The following BRAT1 variants were observed in gnomAD, a reference collection of about 807,000 sequenced individuals.
BRAT1 encodes integrator complex assembly factor BRAT1.
In BRAT1, 74 loss-of-function variants were observed where a neutral mutation model predicts 70.6. The ratio of observed to expected loss-of-function variants is 1.05; its 90% confidence interval spans 0.87 to 1.27. The LOEUF is 1.27. Among genes scored for constraint, BRAT1 ranks in the 50% most tolerant of loss-of-function variants. The pLI is 0.00. For missense variants in BRAT1, 1,203 were observed against 1,098.2 expected (o/e 1.10, Z -1.35); for synonymous variants, 615 against 517.1 (o/e 1.19, Z -2.57).
chr7:2,538,344 C>G lies in BRAT1; in HGVS notation c.2191G>C (p.Ala731Pro). The G allele has an allele frequency of 6.2e-7, 1 of 1,613,270 alleles. No homozygotes were observed. Among genetic ancestry groups the G allele is most frequent in the Non-Finnish European group, 8.5e-7 (1 of 1,179,940 alleles). ...DLLLFLRDKI[A>P]SYSSLREARG... ...GCCTCCCGCAGGCTGCTGTAGGAAG[C>G]AATCTTGTCCCTCAGGAAGAGAAGG... The change falls in exon 14 of 14, where the codon GCT (alanine) becomes CCT (proline). Residue 731 changes from alanine (A) to proline (P), a missense_variant. By Grantham distance (27) the Ala-to-Pro change is conservative. Coordinates refer to ENST00000340611, the MANE Select transcript of BRAT1 (RefSeq NM_152743.4).
Position 2,542,401 on chromosome 7 carries a change from G to A in BRAT1, c.924-190C>T, listed in dbSNP as rs1779246146. On this transcript the variant is annotated intron_variant, in intron 6 of 13. Coordinates refer to ENST00000340611, the MANE Select transcript of BRAT1 (RefSeq NM_152743.4). Reference sequence around the variant, plus strand: ...GGCGGGGAGGACAGGCCTGACCAAGGAGATGGGCCTGACACTCCTGATGTC... The same window carrying A: ...GGCGGGGAGGACAGGCCTGACCAAGAAGATGGGCCTGACACTCCTGATGTC... The A allele has an allele frequency of 2.6e-5, 16 of 609,504 alleles. 1 individual carries two copies. The South Asian group carries it at 2.7e-4, about 10-fold the overall frequency. The allele number at this position is 609,504 out of a possible 1,614,324, so 37.8% of individuals were successfully genotyped here. A position where few individuals can be genotyped will look rare whatever the true frequency, so the allele number is the denominator to read the frequency against.
chr7:2,553,517 G>A (rs1016321100), intron 2 of BRAT1, among the ~76,000 whole-genome samples: 2 of 125,212 alleles, frequency 1.6e-5, no homozygotes, highest in East Asian at 4.3e-4. Context: ...TTTACAGTAT[G>A]ACCTCATTTT....
chr7:2,548,847 C>A (rs1175700206), intron 2 of BRAT1, among the ~76,000 whole-genome samples: 1 of 152,200 alleles, frequency 6.6e-6, no homozygotes, highest in Non-Finnish European at 1.5e-5. Context: ...CGCCTGTGGT[C>A]CCAGCTATTT....
In BRAT1 at chr7:2,539,824, C is replaced by A; in HGVS notation, c.1460G>T (p.Cys487Phe). ...CGGGATGAGGGGGCCGAGATCAGAG[C>A]AGCCGGGGGTCTTGGGTGAGCTCAG... ...WLLSSPKTPG[C>F]SDLGPLIPQF... The change falls in exon 11 of 14, where the codon TGC (cysteine) becomes TTC (phenylalanine). Residue 487 changes from cysteine (C) to phenylalanine (F), a missense_variant. Cys to Phe is a radical substitution (Grantham distance 205). Coordinates refer to ENST00000340611, the MANE Select transcript of BRAT1 (RefSeq NM_152743.4). The A allele has an allele frequency of 6.2e-7, 1 of 1,611,228 alleles. No individual in the cohort carries two copies. Among genetic ancestry groups the A allele is most frequent in the Non-Finnish European group, 8.5e-7 (1 of 1,178,878 alleles).
In BRAT1 at chr7:2,539,262, C is replaced by T; in HGVS notation, c.1687G>A (p.Ala563Thr). The stretch of plus-strand genomic sequence containing the variant: ...TGCCCCATGGCGGTCACTGCACTCG[C>T]TCGGACATAACTCTCAGGGTCCTGG... ...LLQDPESYVR[A>T]SAVTAMGQLS... Residue 563 changes from alanine (A) to threonine (T), a missense_variant, in exon 13 of 14, where the codon GCG becomes ACG. Physicochemically the swap from Ala to Thr is moderately conservative, Grantham distance 58. Transcript: ENST00000340611. The T allele has an allele frequency of 1.9e-6, 3 of 1,611,820 alleles. No individual in the cohort carries two copies. The South Asian group carries it at 3.3e-5, about 18-fold the overall frequency.
rs1354679314 is a variant in BRAT1 at position 2,539,801 on chromosome 7, G to A, written c.1483C>T (p.Pro495Ser). 1 of 1,611,954 alleles carries A rather than the reference G, an allele frequency of 6.2e-7. No individual in the cohort carries two copies. The highest frequency in any genetic ancestry group is 1.1e-5 in the South Asian group (1 of 90,526). The change falls in exon 11 of 14, where the codon CCG becomes TCG. Residue 495 changes from proline (P) to serine (S), a missense_variant. Transcript: ENST00000340611. ...PGCSDLGPLI[P>S]QFLRELFPVL... ...GCTGCGTTACCTCTGAGGAACTGCG[G>A]GATGAGGGGGCCGAGATCAGAGCAG... is the stretch of plus-strand genomic sequence containing the variant.
At position 2,539,219 on chromosome 7, in the gene BRAT1, A is replaced by G. The variant is rs367915169; in HGVS notation, c.1730T>C (p.Leu577Pro). ...TAMGQLSSQG[L>P]HAPTSPEHAE... The stretch of plus-strand genomic sequence containing the variant: ...ATGCTCAGGGCTGGTGGGGGCGTGC[A>G]GGCCCTGGCTGGACAGCTGCCCCAT... Residue 577 changes from leucine (L) to proline (P), a missense_variant, in exon 13 of 14, where the codon CTG becomes CCG. Transcript: ENST00000340611. 1.2e-6 allele frequency: 2 copies of G among 1,610,364 alleles called. No homozygotes were observed. Among genetic ancestry groups the G allele is most frequent in the African/African-American group, 1.3e-5 (1 of 74,986 alleles).
At chr7:2,542,925 G>T in intron 6 of BRAT1, 1 of 238,494 alleles carries the variant, frequency 4.2e-6, no homozygotes, top group Non-Finnish European at 8.1e-6. Flanking sequence ...CGGAGCGCAG[G>T]GCGTCGGCAG....
chr7:2,551,600 T>C (rs918438719), intron 2 of BRAT1, among the ~76,000 whole-genome samples: 2 of 149,594 alleles, frequency 1.3e-5, no homozygotes, highest in African/African-American at 4.9e-5. Context: ...GCAGGCGGAC[T>C]GCCCAGGAGG....
At chr7:2,544,147 CG>C (rs1363637158) in intron 4 of BRAT1, 185 bp from the exon 5 acceptor site, 1 of 465,320 alleles carries the variant, frequency 2.1e-6, no homozygotes. Flanking sequence ...CTCCTCCCCC[CG>C]AGCGTTAAAC....
At position 2,539,642 on chromosome 7, in the gene BRAT1, T is replaced by C. The variant is rs1778987740; in HGVS notation, c.1499A>G (p.Glu500Gly). 3 of 1,591,742 alleles carry C rather than the reference T, an allele frequency of 1.9e-6. No individual in the cohort carries two copies. The highest frequency in any genetic ancestry group is 2.3e-5 in the South Asian group (2 of 88,044). Residue 500 changes from glutamate to glycine, a missense_variant and splice_region_variant, in exon 12 of 14, where the codon GAG (glutamate) becomes GGG (glycine). By Grantham distance (98) the Glu-to-Gly change is moderately conservative. Transcript: ENST00000340611. ...LGPLIPQFLR[E>G]LFPVLQKRLC... ...GCGTTTCTGCAGCACAGGGAACAGC[T>C]CTAGGGTGGGAAGGGACAGGTCAGG...
intron 11 of BRAT1, 55 bp from the exon 12 acceptor site, chr7:2,539,697 T>C: frequency 1.9e-6 from 3 of 1,552,702 alleles, no homozygotes; most frequent in Non-Finnish European, 2.6e-6. Context: ...CACCCTGCCC[T>C]CAGAGCCAGC....
chr7:2,545,036 C>G lies in BRAT1; in HGVS notation c.303G>C (p.Gly101=). 1 of 1,510,570 alleles carries G rather than the reference C, an allele frequency of 6.6e-7. No homozygotes were observed. The highest frequency in any genetic ancestry group is 8.9e-7 in the Non-Finnish European group (1 of 1,128,242). 93.6% of individuals were successfully genotyped at this position (1,510,570 alleles called of 1,614,324 possible). A position where few individuals can be genotyped will look rare whatever the true frequency, so the allele number is the denominator to read the frequency against. Residue 101 remains glycine (G), a synonymous_variant, in exon 4 of 14, where the codon GGG becomes GGC. Transcript: ENST00000340611. ...QYLQQGELLP[G]LFGEPGPLGR... is the part of the protein sequence containing the mutation. The stretch of plus-strand genomic sequence containing the variant: ...CGAGGGGTCCTGGCTCCCCAAAGAG[C>G]CCTGGTAGTAACTCCCCCTGCTGGG...
In BRAT1 at chr7:2,538,337, T is replaced by G. The variant is rs1562564408; in HGVS notation, c.2198A>C (p.Tyr733Ser). The G allele has an allele frequency of 6.2e-7, 1 of 1,613,004 alleles. No homozygotes were observed. Among genetic ancestry groups the G allele is most frequent in the South Asian group, 1.1e-5 (1 of 91,088 alleles). ...LLFLRDKIAS[Y>S]SSLREARGSP... Reference sequence around the variant, plus strand: ...GCCCCTGGCCTCCCGCAGGCTGCTGTAGGAAGCAATCTTGTCCCTCAGGAA... The same window carrying G: ...GCCCCTGGCCTCCCGCAGGCTGCTGGAGGAAGCAATCTTGTCCCTCAGGAA... The change falls in exon 14 of 14, where the codon TAC (tyrosine) becomes TCC (serine). Residue 733 changes from tyrosine to serine, a missense_variant. Physicochemically the swap from Tyr to Ser is moderately radical, Grantham distance 144. Coordinates refer to ENST00000340611, the MANE Select transcript of BRAT1 (RefSeq NM_152743.4).
intron 4 of BRAT1, 114 bp downstream of exon 4, chr7:2,544,795 G>C: frequency 9.0e-6 from 13 of 1,439,660 alleles, no homozygotes; most frequent in Non-Finnish European, 1.1e-5. Context: ...TGCAGTCTTT[G>C]CAACAACCCT....
chr7:2,555,238 C>G (rs974792344), intron 1 of BRAT1, among the ~76,000 whole-genome samples: 8 of 152,094 alleles, frequency 5.3e-5, no homozygotes, highest in Non-Finnish European at 1.0e-4. Flanking sequence ...TGCCAATGCC[C>G]GGGAAGGCTG....
At chr7:2,545,927 T>C (rs916931025) in intron 3 of BRAT1, among the ~76,000 whole-genome samples, 5 of 152,166 alleles carry the variant, frequency 3.3e-5, no homozygotes, top group African/African-American at 1.2e-4. Flanking sequence ...CTGCAGCTGC[T>C]TAACTGGGGG....
intron 2 of BRAT1, among the ~76,000 whole-genome samples, chr7:2,549,626 T>C (rs1176783632): frequency 6.6e-6 from 1 of 151,958 alleles, no homozygotes; most frequent in Non-Finnish European, 1.5e-5. Flanking sequence ...AGAATTCAAA[T>C]CTAACAGTCG....
At chr7:2,539,715 T>C (rs1331635794) in intron 11 of BRAT1, 71 bp downstream of exon 11, 1 of 1,551,956 alleles carries the variant, frequency 6.4e-7, no homozygotes, top group African/African-American at 1.4e-5. Context: ...AGCTGAGCCA[T>C]TCCACCCAGC....
Sources: allele counts gnomAD v4.1 joint callset (sites outside exome capture counted in the v4.1 genomes callset), GRCh38; gene constraint gnomAD v4.1.1; transcripts MANE v1.5; gene names NCBI Gene and HGNC (gene_info 2026-07-23, HGNC 2026-07-21).